The following DCLRE1C variants were observed in gnomAD, a reference collection of about 807,000 sequenced individuals.
DCLRE1C encodes the protein DNA cross-link repair 1C, also known as protein artemis.
DCLRE1C carries 47 observed loss-of-function variants against 61.4 expected under a neutral mutation model. The observed-to-expected ratio is 0.77, with a 90% confidence interval of 0.61 to 0.98. The LOEUF is 0.98. Among genes scored for constraint, DCLRE1C ranks in the 50% least tolerant of loss-of-function variants. The pLI is 0.00. For synonymous variants in DCLRE1C, 337 were observed against 287.6 expected (o/e 1.17, Z -1.74); for missense variants, 858 against 816.0 (o/e 1.05, Z -0.63).
rs1354336544 is a variant in DCLRE1C, at chr10:14,909,222, G to C, written c.1265C>G (p.Ser422Ter). 1 of 1,613,976 alleles carries C rather than the reference G, an allele frequency of 6.2e-7. No homozygotes were observed. Among genetic ancestry groups the C allele is most frequent in the South Asian group, 1.1e-5 (1 of 91,044 alleles). The change falls in exon 14 of 14, where the codon TCA (serine) becomes TGA (stop). Residue 422 changes from serine to a stop codon, truncating the protein, a stop_gained. Transcript: ENST00000378278. LOFTEE classifies it low-confidence loss of function (END_TRUNC). Reference sequence around the variant, plus strand: ...TCTCAGTTTTTCAGGCTGCTTTTCTGATACTGCAGTCATTGAAAATACCTC... The same window carrying C: ...TCTCAGTTTTTCAGGCTGCTTTTCTCATACTGCAGTCATTGAAAATACCTC... ...HPEVFSMTAV[S>*]EKQPEKLRQT...
In DCLRE1C at chr10:14,926,938, C is replaced by A. The variant is rs199821082; in HGVS notation, c.918-41G>T. 14 of 1,564,796 alleles carry A rather than the reference C, an allele frequency of 8.9e-6. No individual in the cohort carries two copies. In the African/African-American group the frequency reaches 1.6e-4, roughly 18 times the overall value. Reference sequence around the variant, plus strand: ...AACACAAAATAAAAAGATCACTGAGCAAAACTAAAACTAAGCAAAGCTGGC... The same window carrying A: ...AACACAAAATAAAAAGATCACTGAGAAAAACTAAAACTAAGCAAAGCTGGC... On this transcript the variant is annotated intron_variant, in intron 10 of 13. Transcript: ENST00000378278.
intron 4 of DCLRE1C, among the ~76,000 whole-genome samples, chr10:14,937,279 T>C (rs1011777857): frequency 8.8e-5 from 13 of 147,966 alleles, no homozygotes; most frequent in South Asian, 2.1e-4. Flanking sequence ...TAAAGCTATT[T>C]ACTTTTTTTT....
intron 11 of DCLRE1C, among the ~76,000 whole-genome samples, chr10:14,925,225 T>TAAAAAAAAAA (rs67477083): frequency 1.8e-5 from 2 of 109,320 alleles, no homozygotes; most frequent in Non-Finnish European, 3.7e-5. Context: ...ATAAAGGATT[T>TAAAAAAAAAA]AAAAAAAAAA....
chr10:14,944,487 A>T (rs554244161), intron 3 of DCLRE1C, among the ~76,000 whole-genome samples: 1 of 152,168 alleles, frequency 6.6e-6, no homozygotes, highest in East Asian at 1.9e-4. Context: ...CAGCAGAGCG[A>T]GACTCCATCT....
chr10:14,904,369 T>C (rs1038168792), downstream of DCLRE1C: 1 of 150,538 alleles, frequency 6.6e-6, no homozygotes, highest in Non-Finnish European at 1.5e-5. Flanking sequence ...AAAAATACTT[T>C]CTTAATGGCA....
At chr10:14,900,139 GTATT>G (rs1411318478), downstream of DCLRE1C, among the ~76,000 whole-genome samples, 2 of 152,112 alleles carry the variant, frequency 1.3e-5, no homozygotes, top group African/African-American at 4.8e-5. Flanking sequence ...GATTTGTAGA[GTATT>G]TATGTAGGGC....
rs540967525 is a variant in DCLRE1C, at chr10:14,908,016, C to G, written c.*392G>C. On this transcript the variant is annotated 3_prime_UTR_variant, in exon 14 of 14. Coordinates refer to ENST00000378278, the MANE Select transcript of DCLRE1C (RefSeq NM_001033855.3). ...AGCTGGGATTACAGGCATGAGCCAC[C>G]GTGCCTGGCCTTTTTCTTTTTTAAA... 2.8e-5 allele frequency: 5 copies of G among 176,054 alleles called. No homozygotes were observed. Among genetic ancestry groups the G allele is most frequent in the Non-Finnish European group, 3.5e-5 (3 of 84,530 alleles). 10.9% of individuals were successfully genotyped at this position (176,054 alleles called of 1,614,324 possible).
intron 3 of DCLRE1C, among the ~76,000 whole-genome samples, chr10:14,944,366 G>T (rs984506881): frequency 6.6e-5 from 10 of 152,054 alleles, no homozygotes; most frequent in Non-Finnish European, 1.3e-4. Flanking sequence ...GGGTATGGTG[G>T]TGGGATTCTG....
chr10:14,943,425 C>G (rs1841190347), intron 3 of DCLRE1C, among the ~76,000 whole-genome samples: 1 of 152,188 alleles, frequency 6.6e-6, no homozygotes, highest in African/African-American at 2.4e-5. Flanking sequence ...AACTGCCACT[C>G]TGACATTTTG....
At chr10:14,919,190 T>A (rs1234007763) in intron 13 of DCLRE1C, among the ~76,000 whole-genome samples, 3 of 152,172 alleles carry the variant, frequency 2.0e-5, no homozygotes, top group Non-Finnish European at 4.4e-5. Flanking sequence ...GCCCCAGAGC[T>A]TTGCTCAGAA....
intron 3 of DCLRE1C, among the ~76,000 whole-genome samples, chr10:14,941,953 G>C (rs1159910785): frequency 6.6e-6 from 1 of 152,160 alleles, no homozygotes; most frequent in Non-Finnish European, 1.5e-5. Context: ...CCGTGGCCTT[G>C]TTTGTACTAT....
chr10:14,932,890 G>A lies in DCLRE1C; in HGVS notation c.744C>T (p.Asp248=), dbSNP rs1839263374. Residue 248 remains aspartate (D), a synonymous_variant, in exon 9 of 14, where the codon GAC becomes GAT. Coordinates refer to ENST00000378278, the MANE Select transcript of DCLRE1C (RefSeq NM_001033855.3). The stretch of plus-strand genomic sequence containing the variant: ...GGCATGCATGGATCTGAGTGTTGCG[G>A]TCTGTTGTGAGATGATGAAGGATCT... The part of the protein sequence containing the change: ...MPEILHHLTT[D]RNTQIHACRH... 3.1e-6 allele frequency: 5 copies of A among 1,614,192 alleles called. No individual in the cohort carries two copies. The East Asian group carries it at 1.1e-4, about 36-fold the overall frequency.
chr10:14,936,543 T>G lies in DCLRE1C; in HGVS notation c.357A>C (p.Ser119=), dbSNP rs757569484. The part of the protein sequence containing the change: ...TLLPAGHCPG[S]VMFLFQGNNG... Reference sequence around the variant, plus strand: ...AAAATAAATGACCCCCTTACATAACTGATCCCGGACAGTGACCAGCTGGTA... The same window carrying G: ...AAAATAAATGACCCCCTTACATAACGGATCCCGGACAGTGACCAGCTGGTA... The change falls in exon 5 of 14, where the codon TCA becomes TCC. Residue 119 remains serine (S), a synonymous_variant. Coordinates refer to ENST00000378278, the MANE Select transcript of DCLRE1C (RefSeq NM_001033855.3). 1 of 1,612,314 alleles carries G rather than the reference T, an allele frequency of 6.2e-7. No homozygotes were observed. The highest frequency in any genetic ancestry group is 1.3e-5 in the African/African-American group (1 of 74,984).
intron 8 of DCLRE1C, among the ~76,000 whole-genome samples, chr10:14,933,983 G>T (rs1178716730): frequency 6.6e-6 from 1 of 152,118 alleles, no homozygotes; most frequent in Non-Finnish European, 1.5e-5. Context: ...TTATTTAGCA[G>T]GCGAGGAGGG....
intron 12 of DCLRE1C, chr10:14,920,485 C>G (rs1836917104): frequency 1.0e-6 from 1 of 963,786 alleles, no homozygotes; most frequent in South Asian, 4.7e-5. Context: ...GGTGCCCAAC[C>G]TGAAACTTCT....
chr10:14,921,120 A>C (rs1837037480), intron 12 of DCLRE1C, among the ~76,000 whole-genome samples: 1 of 152,128 alleles, frequency 6.6e-6, no homozygotes, highest in African/African-American at 2.4e-5. Flanking sequence ...AGAGATCAAG[A>C]CCATCCTGGC....
rs752655158 is a variant in DCLRE1C, at chr10:14,934,487, G to C, written c.571C>G (p.Arg191Gly). 6.2e-7 allele frequency: 1 copy of C among 1,614,054 alleles called. No homozygotes were observed. Among genetic ancestry groups the C allele is most frequent in the Non-Finnish European group, 8.5e-7 (1 of 1,180,018 alleles). Residue 191 changes from arginine (R) to glycine (G), a missense_variant, in exon 8 of 14, where the codon CGA (arginine) becomes GGA (glycine). Physicochemically the swap from Arg to Gly is moderately radical, Grantham distance 125. This residue lies in a region of DCLRE1C where 843 missense variants were observed against 783.5 expected (regional missense o/e 1.08). Coordinates refer to ENST00000378278, the MANE Select transcript of DCLRE1C (RefSeq NM_001033855.3). ...ECLSGVLELV[R>G]SWITRSPYHV... ...TACGGGCTCCGAGTGATCCAGCTTC[G>C]GACCAGCTCTAAGACTCCACTTAAA...
rs750020058 is a variant in DCLRE1C, at chr10:14,908,165, CTTTTT to C, written c.*238_*242del. On this transcript the variant is annotated 3_prime_UTR_variant, in exon 14 of 14. Transcript: ENST00000378278. ...CAGAGTAGCCCACCACCATGCCTGG[CTTTTT>C]TTTTTTTTTTTTTTTTTGTAAGTAG... The C allele has an allele frequency of 1.7e-3, 331 of 197,338 alleles. 3 individuals are homozygous for C. The highest frequency in any genetic ancestry group is 8.4e-3 in the South Asian group (144 of 17,180). 12.2% of individuals were successfully genotyped at this position (197,338 alleles called of 1,614,324 possible). A position where few individuals can be genotyped will look rare whatever the true frequency, so the allele number is the denominator to read the frequency against.
intron 4 of DCLRE1C, among the ~76,000 whole-genome samples, chr10:14,937,610 G>A (rs1840155225): frequency 6.6e-6 from 1 of 152,080 alleles, no homozygotes; most frequent in Admixed American, 6.5e-5. Context: ...TAAAGCCTGA[G>A]CCAGGTGCGG....
Sources: gnomAD v4.1 joint callset for allele counts (sites outside exome capture counted in the v4.1 genomes callset) on GRCh38, gnomAD v4.1.1 for gene constraint, gnomAD v4.1.1 regional missense constraint, MANE v1.5 for transcripts, NCBI Gene and HGNC (gene_info 2026-07-23, HGNC 2026-07-21) for gene names.